Variants in SMO observed in about 807,000 individuals in gnomAD.
The protein encoded by SMO is smoothened, frizzled class receptor.
Under a neutral mutation model 81.6 loss-of-function variants are expected in SMO, and 40 were observed. That is an observed-to-expected ratio of 0.49 (90% CI 0.38 to 0.64). SMO has a LOEUF of 0.64. Among genes scored for constraint, SMO ranks in the 30% least tolerant of loss-of-function variants. The probability of loss-of-function intolerance (pLI) is 0.00; values close to 1 mark genes in which losing one functional copy is unlikely to be tolerated. For missense variants in SMO, 916 were observed against 1,061.1 expected, an observed-to-expected ratio of 0.86 and a Z score of 1.90; for synonymous variants, 434 against 432.1, an observed-to-expected ratio of 1.00 and a Z score of -0.05.
intron 3 of SMO, 59 bp from the exon 4 acceptor site, chr7:129,205,551 G>C (rs922019132): frequency 1.9e-6 from 3 of 1,552,746 alleles, no homozygotes; most frequent in Non-Finnish European, 2.7e-6. Flanking sequence ...CTCAGTTAAG[G>C]GTGTCTGTGT....
rs539798844 is a variant in SMO, at chr7:129,213,242, G to A, written c.*791G>A. The A allele has an allele frequency of 6.9e-5, 16 of 233,410 alleles. No homozygotes were observed. In the Admixed American group the frequency reaches 8.4e-4, roughly 12 times the overall value. The allele number at this position is 233,410 out of a possible 1,614,324, so 14.5% of individuals were successfully genotyped here. On this transcript the variant is annotated 3_prime_UTR_variant, in exon 12 of 12. Transcript: ENST00000249373. ...GCTCTAGGGCCTCAGTCTGGAGTGG[G>A]ATAGGAGCAGTGAGTGACAAAGCCT...
At chr7:129,197,639 G>A (rs1303063545) in intron 1 of SMO, among the ~76,000 whole-genome samples, 5 of 152,026 alleles carry the variant, frequency 3.3e-5, no homozygotes, top group Non-Finnish European at 1.5e-5. Flanking sequence ...GTGTTAGCCA[G>A]GTCAATTTCC....
chr7:129,204,658 T>C (rs2150647607), intron 2 of SMO, among the ~76,000 whole-genome samples: 1 of 149,880 alleles, frequency 6.7e-6, no homozygotes, highest in East Asian at 2.0e-4. Flanking sequence ...TCTTTCTATA[T>C]ATATAATATA....
intron 2 of SMO, among the ~76,000 whole-genome samples, chr7:129,204,091 G>T (rs1018353807): frequency 6.6e-6 from 1 of 152,118 alleles, no homozygotes; most frequent in African/African-American, 2.4e-5. Context: ...CCAGCACTTT[G>T]GGAGGTCGAG....
At position 129,189,215 on chromosome 7, in the gene SMO, C is replaced by A. The variant is rs1254310202; in HGVS notation, c.64C>A (p.Leu22Met). 1 of 1,167,854 alleles carries A rather than the reference C, an allele frequency of 8.6e-7. No individual in the cohort carries two copies. Among genetic ancestry groups the A allele is most frequent in the Non-Finnish European group, 1.1e-6 (1 of 932,014 alleles). The allele number at this position is 1,167,854 out of a possible 1,614,324, so 72.3% of individuals were successfully genotyped here. ...GCTCCTGGGGCTGCTGCTGCTGCTG[C>A]TGCTGGGGGACCCGGGCCGGGGGGC... ...LPLLGLLLLLLLGDPGRGAAS... is the reference protein window; with the variant it reads ...LPLLGLLLLLMLGDPGRGAAS... The change falls in exon 1 of 12, where the codon CTG (leucine) becomes ATG (methionine). Residue 22 changes from leucine to methionine, a missense_variant. By Grantham distance (15) the Leu-to-Met change is conservative. Transcript: ENST00000249373. This position sits in a 1 kb window ranked among gnomAD's most constrained non-coding sequence, Gnocchi z 4.7.
At position 129,211,925 on chromosome 7, in the gene SMO, C is replaced by T. The variant is rs1430908391; in HGVS notation, c.1937-99C>T. 1.4e-6 allele frequency: 2 copies of T among 1,420,156 alleles called. No individual in the cohort carries two copies. The highest frequency in any genetic ancestry group is 9.5e-7 in the Non-Finnish European group (1 of 1,050,388). 88.0% of individuals were successfully genotyped at this position (1,420,156 alleles called of 1,614,324 possible). ...GGCTGAGGCTCTAAGAGTCTAGAGA[C>T]CTGGGCCCCAGAACTAACAGGTTAA... On this transcript the variant is annotated intron_variant, in intron 11 of 11. Transcript: ENST00000249373. The surrounding 1 kb of genome is among the most constrained non-coding windows in gnomAD (Gnocchi z 4.6).
In SMO at chr7:129,211,250, A is replaced by C. The variant is rs1584665800; in HGVS notation, c.1801+137A>C. 1.1e-6 allele frequency: 1 copy of C among 947,186 alleles called. No homozygotes were observed. The highest frequency in any genetic ancestry group is 1.4e-5 in the South Asian group (1 of 71,128). The allele number at this position is 947,186 out of a possible 1,614,324, so 58.7% of individuals were successfully genotyped here. ...GCAAGGCGCTCCCTCCATCGCTCAC[A>C]CACCCATTCTTCCCCCGGCCCCTCC... On this transcript the variant is annotated intron_variant, in intron 10 of 11. Coordinates refer to ENST00000249373, the MANE Select transcript of SMO (RefSeq NM_005631.5). The surrounding 1 kb of genome is among the most constrained non-coding windows in gnomAD (Gnocchi z 4.6).
Position 129,211,212 on chromosome 7 carries a change from C to A in SMO, c.1801+99C>A. 1 of 1,335,908 alleles carries A rather than the reference C, an allele frequency of 7.5e-7. No homozygotes were observed. Among genetic ancestry groups the A allele is most frequent in the Non-Finnish European group, 1.0e-6 (1 of 958,594 alleles). 82.8% of individuals were successfully genotyped at this position (1,335,908 alleles called of 1,614,324 possible). On this transcript the variant is annotated intron_variant, in intron 10 of 11. Coordinates refer to ENST00000249373, the MANE Select transcript of SMO (RefSeq NM_005631.5). The surrounding 1 kb of genome is among the most constrained non-coding windows in gnomAD (Gnocchi z 4.6). ...GGGGGCACACAGATTATTTGGAAGA[C>A]CGACTGTGAGGAGCAAGGCGCTCCC... is the stretch of plus-strand genomic sequence containing the variant.
Position 129,212,353 on chromosome 7 carries a change from G to T in SMO, c.2266G>T (p.Val756Leu), listed in dbSNP as rs147090883. ...ATTTCTGCCCAGTGCACCGGCCCCC[G>T]TGGCATGGGCTCATGGCCGCCGACA... ...DPFLPSAPAP[V>L]AWAHGRRQGL... The change falls in exon 12 of 12, where the codon GTG (valine) becomes TTG (leucine). Residue 756 changes from valine to leucine, a missense_variant. This residue lies in a region of SMO where 324 missense variants were observed against 312.9 expected (regional missense o/e 1.04). Transcript: ENST00000249373. This position sits in a 1 kb window ranked among gnomAD's most constrained non-coding sequence, Gnocchi z 5.0. The T allele has an allele frequency of 6.2e-7, 1 of 1,614,102 alleles. No homozygotes were observed. The highest frequency in any genetic ancestry group is 1.3e-5 in the African/African-American group (1 of 75,064).
At position 129,205,442 on chromosome 7, in the gene SMO, C is replaced by T. The variant is rs199786214; in HGVS notation, c.747+30C>T. 6.1e-5 allele frequency: 97 copies of T among 1,593,502 alleles called. No individual in the cohort carries two copies. In the African/African-American group the frequency reaches 1.2e-3, roughly 20 times the overall value. On this transcript the variant is annotated intron_variant, in intron 3 of 11. Transcript: ENST00000249373. The stretch of plus-strand genomic sequence containing the variant: ...GCCGCGGGAGGGCAGGCCCGGGGGG[C>T]CCTCAGCCTGGAACGTGGGAAGAGA...
intron 1 of SMO, among the ~76,000 whole-genome samples, chr7:129,196,323 T>C (rs1407342569): frequency 1.1e-5 from 1 of 89,198 alleles, no homozygotes; most frequent in Admixed American, 1.2e-4. Context: ...TGAGCTATTC[T>C]TGATTGTGTG....
intron 1 of SMO, among the ~76,000 whole-genome samples, chr7:129,191,186 T>C (rs988146733): frequency 5.9e-5 from 9 of 152,196 alleles, no homozygotes; most frequent in African/African-American, 1.7e-4. Context: ...GGTTTAATTT[T>C]CCCAAGTTAA....
rs41312544 is a variant in SMO at position 129,189,286 on chromosome 7, C to A, written c.135C>A (p.Gly45=). The A allele has an allele frequency of 7.1e-7, 1 of 1,407,930 alleles. No homozygotes were observed. The highest frequency in any genetic ancestry group is 1.5e-5 in the South Asian group (1 of 64,518). 87.2% of individuals were successfully genotyped at this position (1,407,930 alleles called of 1,614,324 possible). A position where few individuals can be genotyped will look rare whatever the true frequency, so the allele number is the denominator to read the frequency against. Residue 45 remains glycine, a synonymous_variant, in exon 1 of 12, where the codon GGC becomes GGA. Coordinates refer to ENST00000249373, the MANE Select transcript of SMO (RefSeq NM_005631.5). This position sits in a 1 kb window ranked among gnomAD's most constrained non-coding sequence, Gnocchi z 4.7. ...CCGGGCCTGGGCCTCGGAGCGCGGGCGGGAGCGCGAGGAGGAGCGCGGCGG... is the reference window on the plus strand; with the variant it reads ...CCGGGCCTGGGCCTCGGAGCGCGGGAGGGAGCGCGAGGAGGAGCGCGGCGG... ...NATGPGPRSA[G]GSARRSAAVT... is the part of the protein sequence containing the mutation.
In SMO at chr7:129,212,063, CA is replaced by C. The variant is rs1793880197; in HGVS notation, c.1977del (p.Glu660ArgfsTer116). 6.3e-7 allele frequency: 1 copy of C among 1,588,376 alleles called. No homozygotes were observed. Among genetic ancestry groups the C allele is most frequent in the Admixed American group, 1.7e-5 (1 of 58,408 alleles). On this transcript the variant is annotated frameshift_variant, in exon 12 of 12. Coordinates refer to ENST00000249373, the MANE Select transcript of SMO (RefSeq NM_005631.5). LOFTEE classifies it high-confidence loss of function. The surrounding 1 kb of genome is among the most constrained non-coding windows in gnomAD (Gnocchi z 5.0). The stretch of plus-strand genomic sequence containing the variant: ...CAAGCCAACCTGTGGCTGGTTGAGG[CA>C]GAGATCTCCCCAGAGCTGCAGAAGC... The part of the protein sequence containing the change: ...EEQANLWLVE[A>X]EISPELQKRL...
intron 1 of SMO, among the ~76,000 whole-genome samples, chr7:129,193,203 C>A (rs1012537660): frequency 1.3e-5 from 2 of 152,162 alleles, no homozygotes; most frequent in African/African-American, 2.4e-5. Context: ...GGCGATAGGT[C>A]CCTGAGAGCC....
In SMO at chr7:129,206,516, G is replaced by C. The variant is rs760560948; in HGVS notation, c.1193G>C (p.Arg398Pro). 6.2e-7 allele frequency: 1 copy of C among 1,614,160 alleles called. No individual in the cohort carries two copies. The highest frequency in any genetic ancestry group is 8.5e-7 in the Non-Finnish European group (1 of 1,180,012). The part of the protein sequence containing the change: ...GICFVGYKNY[R>P]YRAGFVLAPI... ...TGTTTTGTGGGCTACAAGAACTACCGATACCGTGCGGGCTTCGTGCTGGCC... is the reference window on the plus strand; with the variant it reads ...TGTTTTGTGGGCTACAAGAACTACCCATACCGTGCGGGCTTCGTGCTGGCC... The change falls in exon 6 of 12, where the codon CGA becomes CCA. Residue 398 changes from arginine (R) to proline (P), a missense_variant. Around this residue, in one of 4 missense-constraint regions of SMO, gnomAD observed 436 missense variants for 570.9 expected, o/e 0.76. Coordinates refer to ENST00000249373, the MANE Select transcript of SMO (RefSeq NM_005631.5). This position sits in a 1 kb window ranked among gnomAD's most constrained non-coding sequence, Gnocchi z 4.4.
At position 129,209,321 on chromosome 7, in the gene SMO, C is replaced by T. The variant is rs1196940337; in HGVS notation, c.1390C>T (p.Leu464Phe). 1.2e-6 allele frequency: 2 copies of T among 1,614,012 alleles called. No individual in the cohort carries two copies. Among genetic ancestry groups the T allele is most frequent in the Non-Finnish European group, 1.7e-6 (2 of 1,179,890 alleles). ...TGGCTTCCTGGCCTTTGGCTTTGTG[C>T]TCATTACCTTCAGCTGCCACTTCTA... Reference protein sequence around the residue: ...IFGFLAFGFVLITFSCHFYDF... With the variant: ...IFGFLAFGFVFITFSCHFYDF... The change falls in exon 8 of 12, where the codon CTC (leucine) becomes TTC (phenylalanine). Residue 464 changes from leucine to phenylalanine, a missense_variant. Coordinates refer to ENST00000249373, the MANE Select transcript of SMO (RefSeq NM_005631.5).
intron 1 of SMO, among the ~76,000 whole-genome samples, chr7:129,190,455 A>C (rs1166920546): frequency 6.6e-6 from 1 of 152,350 alleles, no homozygotes; most frequent in East Asian, 1.9e-4. Context: ...TATGATTCTA[A>C]AACTGTCCTG....
chr7:129,200,254 A>G (rs375738795), intron 1 of SMO, among the ~76,000 whole-genome samples: 1 of 152,046 alleles, frequency 6.6e-6, no homozygotes, highest in South Asian at 2.1e-4. Context: ...CGTCTCTACT[A>G]AAAATACAAA....
Sources: allele counts gnomAD v4.1 joint callset (sites outside exome capture counted in the v4.1 genomes callset), GRCh38; gene constraint gnomAD v4.1.1; regional missense constraint gnomAD v4.1.1; non-coding constraint Gnocchi (gnomAD v3.1); transcripts MANE v1.5; gene names NCBI Gene and HGNC (gene_info 2026-07-23, HGNC 2026-07-21).